Variants in COL9A3 observed in about 807,000 individuals in gnomAD.
The protein encoded by COL9A3 is collagen type IX alpha 3 chain.
A neutral mutation model predicts 110.2 loss-of-function variants in COL9A3; 82 were observed. That is an observed-to-expected ratio of 0.74 (90% CI 0.62 to 0.89). The LOEUF is 0.89. Ranked by LOEUF, COL9A3 falls within the 40% of genes least tolerant of loss-of-function variation. The probability of loss-of-function intolerance (pLI) is 0.00; values close to 1 mark genes in which losing one functional copy is unlikely to be tolerated. For synonymous variants in COL9A3, 494 were observed against 403.8 expected (o/e 1.22, Z -2.68); for missense variants, 1,066 against 981.3 (o/e 1.09, Z -1.15).
intron 11 of COL9A3, 137 bp downstream of exon 11, chr20:62,824,638 C>G: frequency 1.1e-6 from 1 of 942,640 alleles, no homozygotes; most frequent in East Asian, 2.6e-5. Context: ...GAAAGCTAGG[C>G]CAGCCTCCTT....
At chr20:62,835,099 G>C (rs1384910059) in intron 26 of COL9A3, among the ~76,000 whole-genome samples, 1 of 152,184 alleles carries the variant, frequency 6.6e-6, no homozygotes, top group Admixed American at 6.5e-5. Context: ...GCTGTGTGAG[G>C]TGACCCCCTA....
At chr20:62,827,782 C>T in intron 16 of COL9A3, 141 bp from the exon 17 acceptor site, 1 of 845,240 alleles carries the variant, frequency 1.2e-6, no homozygotes, top group South Asian at 1.4e-5. Context: ...CACGCACCCA[C>T]AGGCCCCAGG....
intron 17 of COL9A3, 69 bp from the exon 18 acceptor site, chr20:62,828,695 C>A (rs1434489226): frequency 1.3e-6 from 2 of 1,554,946 alleles, no homozygotes; most frequent in Non-Finnish European, 1.8e-6. Flanking sequence ...AGGCTGCCCC[C>A]AGGGCAGGAC....
chr20:62,821,342 G>C, intron 6 of COL9A3, 126 bp downstream of exon 6: 1 of 1,337,976 alleles, frequency 7.5e-7, no homozygotes. Context: ...AGCCTCTCCG[G>C]AGGCTGGTGC....
chr20:62,836,969 A>G, intron 29 of COL9A3, 114 bp from the exon 30 acceptor site: 1 of 1,346,344 alleles, frequency 7.4e-7, no homozygotes. Context: ...TCCATCAATC[A>G]GAAGGAAAAC....
chr20:62,828,069 C>T, intron 17 of COL9A3, 93 bp downstream of exon 17: 1 of 1,315,760 alleles, frequency 7.6e-7, no homozygotes, highest in Non-Finnish European at 1.1e-6. Context: ...GAGCTCAGTG[C>T]CCTCTGCTGT....
In COL9A3 at chr20:62,824,361, T is replaced by G. The variant is rs1017454564; in HGVS notation, c.520-84T>G. On this transcript the variant is annotated intron_variant, in intron 10 of 31. Transcript: ENST00000649368. ...CCCGTCACCGTGCAGAGTGGCCTCC[T>G]GGGGTCCCGCGGGCGCTGACCCCTG... 5 of 1,431,208 alleles carry G rather than the reference T, an allele frequency of 3.5e-6. No homozygotes were observed. In the Middle Eastern group the frequency reaches 5.6e-4, roughly 160 times the overall value. The allele number at this position is 1,431,208 out of a possible 1,614,324, so 88.7% of individuals were successfully genotyped here.
Position 62,817,613 on chromosome 20 carries a change from A to G in COL9A3, c.125A>G (p.Lys42Arg), listed in dbSNP as rs539023618. ...GPPGPPGPPG[K>R]PGQDGIDGEA... ...CCCGGCCCCCCAGGGCCGCCCGGGA[A>G]GCCCGGCCAGGACGGCATTGACGTG... Residue 42 changes from lysine to arginine, a missense_variant, in exon 2 of 32, where the codon AAG becomes AGG. Physicochemically the swap from Lys to Arg is conservative, Grantham distance 26. Transcript: ENST00000649368. 2 of 1,546,162 alleles carry G rather than the reference A, an allele frequency of 1.3e-6. No individual in the cohort carries two copies. Among genetic ancestry groups the G allele is most frequent in the Non-Finnish European group, 1.7e-6 (2 of 1,144,724 alleles).
chr20:62,838,352 C>T (rs143423950), intron 30 of COL9A3, among the ~76,000 whole-genome samples: 9 of 152,276 alleles, frequency 5.9e-5, no homozygotes, highest in East Asian at 1.9e-4. Context: ...GTCTTGTGGG[C>T]GGTTCTAACC....
chr20:62,818,824 C>T (rs1364038316), intron 3 of COL9A3, among the ~76,000 whole-genome samples: 1 of 152,208 alleles, frequency 6.6e-6, no homozygotes, highest in Non-Finnish European at 1.5e-5. Flanking sequence ...TACAGCCCTT[C>T]AGGTCCCCCA....
rs181747930 is a variant in COL9A3, at chr20:62,834,377, T to A, written c.1368+1313T>A. Among the ~76,000 whole-genome samples the A allele has an allele frequency of 3.9e-5, 6 of 152,336 alleles. No homozygotes were observed. The East Asian group carries it at 7.7e-4, about 20-fold the overall frequency. On this transcript the variant is annotated intron_variant, in intron 26 of 31. Coordinates refer to ENST00000649368, the MANE Select transcript of COL9A3 (RefSeq NM_001853.4). ...CTAAAACTCAGGTGAAGCATAAAAT[T>A]ACGTTCTTGTTTGAGTCCCTTGATA...
chr20:62,826,214 G>A lies in COL9A3; in HGVS notation c.695G>A (p.Gly232Glu). ...PGSVGLQGPR[G>E]LRGLPGPLGP... ...GCCTCTCTCTCGCAGGGCCCCCGGG[G>A]ATTACGAGGACTGCCAGGGCCACTC... The change falls in exon 14 of 32, where the codon GGA becomes GAA. Residue 232 changes from glycine (G) to glutamate (E), a missense_variant. Coordinates refer to ENST00000649368, the MANE Select transcript of COL9A3 (RefSeq NM_001853.4). 2 of 1,562,354 alleles carry A rather than the reference G, an allele frequency of 1.3e-6. No homozygotes were observed. Among genetic ancestry groups the A allele is most frequent in the Admixed American group, 1.9e-5 (1 of 52,918 alleles).
chr20:62,818,437 C>T (rs759369905), intron 2 of COL9A3, 81 bp from the exon 3 acceptor site: 52 of 1,372,518 alleles, frequency 3.8e-5, no homozygotes, highest in Admixed American at 2.3e-4. Flanking sequence ...ATTTGGAGGC[C>T]AGCGCTGCTC....
Position 62,829,701 on chromosome 20 carries a change from C to T in COL9A3, c.1107+20C>T. The T allele has an allele frequency of 6.2e-7, 1 of 1,603,854 alleles. No homozygotes were observed. Among genetic ancestry groups the T allele is most frequent in the South Asian group, 1.1e-5 (1 of 89,274 alleles). ...GTCCCTGTGAGTATCTGCGGCGCCC[C>T]AGACCCCTCCCCATCCAGCCTGTGT... On this transcript the variant is annotated intron_variant, in intron 21 of 31. Coordinates refer to ENST00000649368, the MANE Select transcript of COL9A3 (RefSeq NM_001853.4).
intron 31 of COL9A3, among the ~76,000 whole-genome samples, chr20:62,839,569 G>T (rs550337352): frequency 6.6e-6 from 1 of 152,176 alleles, no homozygotes. Context: ...GAAGGCACCC[G>T]CTCCCACCTC....
At chr20:62,834,399 G>A (rs1490533618) in intron 26 of COL9A3, among the ~76,000 whole-genome samples, 1 of 152,236 alleles carries the variant, frequency 6.6e-6, no homozygotes, top group Admixed American at 6.5e-5. Flanking sequence ...TGAGTCCCTT[G>A]ATAGGCACAT....
intron 3 of COL9A3, 104 bp downstream of exon 3, chr20:62,818,657 C>T (rs1250407343): frequency 5.4e-6 from 7 of 1,304,490 alleles, no homozygotes; most frequent in East Asian, 2.3e-5. Flanking sequence ...TGCCGGAGCC[C>T]GGGTTGCCTG....
At position 62,825,711 on chromosome 20, in the gene COL9A3, G is replaced by C. The variant is rs1442488177; in HGVS notation, c.631-106G>C. 1.8e-5 allele frequency: 21 copies of C among 1,170,314 alleles called. No individual in the cohort carries two copies. In the East Asian group the frequency reaches 4.9e-4, roughly 27 times the overall value. 72.5% of individuals were successfully genotyped at this position (1,170,314 alleles called of 1,614,324 possible). On this transcript the variant is annotated intron_variant, in intron 12 of 31. Transcript: ENST00000649368. Reference sequence around the variant, plus strand: ...AGCCTCCAAGGCCCAGCTGTGAAGGGGGCAACACCCCCAGCTGCTTGGGCT... The same window carrying C: ...AGCCTCCAAGGCCCAGCTGTGAAGGCGGCAACACCCCCAGCTGCTTGGGCT...
chr20:62,836,665 T>G (rs760901374), intron 29 of COL9A3, 133 bp downstream of exon 29: 3 of 994,588 alleles, frequency 3.0e-6, no homozygotes, highest in Non-Finnish European at 4.4e-6. Flanking sequence ...CCCCGCCTGT[T>G]AGCCCTTGGG....
Sources: allele counts gnomAD v4.1 joint callset (sites outside exome capture counted in the v4.1 genomes callset), GRCh38; gene constraint gnomAD v4.1.1; transcripts MANE v1.5; gene names NCBI Gene and HGNC (gene_info 2026-07-23, HGNC 2026-07-21).